FNBP1: variants seen among roughly 807,000 people sequenced by gnomAD.
The protein encoded by FNBP1 is formin binding protein 1.
FNBP1 carries 26 observed loss-of-function variants against 90.6 expected under a neutral mutation model. That is an observed-to-expected ratio of 0.29 (90% CI 0.21 to 0.40). The LOEUF (loss-of-function observed/expected upper bound fraction) is 0.40, where lower values mean the gene tolerates loss of function less well. FNBP1 is among the 10% of genes least tolerant of loss of function. The pLI, the probability that FNBP1 is intolerant of heterozygous loss-of-function variation, is 1.00. For synonymous variants in FNBP1, 260 were observed against 265.2 expected (o/e 0.98, Z 0.19); for missense variants, 635 against 768.0 (o/e 0.83, Z 2.05).
chr9:130,043,517 A>G (rs1051517877), upstream of FNBP1, among the ~76,000 whole-genome samples: 4 of 152,212 alleles, frequency 2.6e-5, no homozygotes, highest in Non-Finnish European at 4.4e-5. Context: ...GCGGTCTGAG[A>G]TCGCTCCCCT....
intron 5 of FNBP1, 116 bp downstream of exon 5, chr9:129,958,375 T>A (rs1254409678): frequency 4.2e-6 from 3 of 711,902 alleles, no homozygotes; most frequent in Non-Finnish European, 4.7e-6. Context: ...GAGGTTACAG[T>A]GAGCCGAGAT....
chr9:129,948,215 A>G (rs972028235), intron 6 of FNBP1, among the ~76,000 whole-genome samples: 3 of 152,030 alleles, frequency 2.0e-5, no homozygotes, highest in Non-Finnish European at 2.9e-5. Flanking sequence ...TGAGGCTGCA[A>G]TAAGTTTTGA....
In FNBP1 at chr9:129,928,167, A is replaced by G. The variant is rs183522945; in HGVS notation, c.643-826T>C. Among the ~76,000 whole-genome samples, 4 of 152,346 alleles carry G rather than the reference A, an allele frequency of 2.6e-5. No homozygotes were observed. In the East Asian group the frequency reaches 7.7e-4, roughly 29 times the overall value. On this transcript the variant is annotated intron_variant, in intron 7 of 16. Transcript: ENST00000446176. ...AAGTTGCAAAAAATCTGTAAAATGG[A>G]AGAACATATGTCTATCTTTTCTCAT...
At chr9:130,046,643 C>T (rs552571327), upstream of FNBP1, among the ~76,000 whole-genome samples, 80 of 150,532 alleles carry the variant, frequency 5.3e-4, 1 homozygote, top group African/African-American at 2.0e-3. Context: ...TCATGGGTGC[C>T]TGTAATCCCA....
chr9:129,981,954 C>T (rs1287901670), intron 2 of FNBP1, among the ~76,000 whole-genome samples: 1 of 152,156 alleles, frequency 6.6e-6, no homozygotes, highest in Non-Finnish European at 1.5e-5. Context: ...TACACGTCAA[C>T]ATATCAACTA....
rs112987199 is a variant in FNBP1 at position 130,031,170 on chromosome 9, T to C, written c.24+11782A>G. ...CTTATTCCACCCACATATAAACAGGTTGAGAAATGCAATAGATAGAAAGGC... is the reference window on the plus strand; with the variant it reads ...CTTATTCCACCCACATATAAACAGGCTGAGAAATGCAATAGATAGAAAGGC... On this transcript the variant is annotated intron_variant, in intron 1 of 16. Coordinates refer to ENST00000446176, the MANE Select transcript of FNBP1 (RefSeq NM_015033.3). The surrounding 1 kb of genome is among the most constrained non-coding windows in gnomAD (Gnocchi z 4.2). 8.5e-4 allele frequency among the ~76,000 whole-genome samples: 130 copies of C among 152,254 alleles called. No homozygotes were observed. The highest frequency in any genetic ancestry group is 3.1e-3 in the African/African-American group (128 of 41,544).
intron 1 of FNBP1, among the ~76,000 whole-genome samples, chr9:130,008,021 TG>T (rs1168349305): frequency 3.1e-5 from 4 of 129,066 alleles, no homozygotes; most frequent in African/African-American, 1.2e-4. Flanking sequence ...AAAATTAAAC[TG>T]CTTACTTTTT....
At chr9:130,010,643 G>T (rs1393568409) in intron 1 of FNBP1, among the ~76,000 whole-genome samples, 1 of 152,018 alleles carries the variant, frequency 6.6e-6, no homozygotes, top group African/African-American at 2.4e-5. Flanking sequence ...CTGGCTTTTT[G>T]ATGACAATTT....
At chr9:129,967,168 C>A (rs1006476557) in intron 4 of FNBP1, among the ~76,000 whole-genome samples, 1 of 152,170 alleles carries the variant, frequency 6.6e-6, no homozygotes, top group African/African-American at 2.4e-5. Context: ...TTATTGAGAA[C>A]TGGAGGGAGT....
chr9:130,015,459 C>T (rs1570381), intron 1 of FNBP1, among the ~76,000 whole-genome samples: 124,330 of 151,994 alleles, frequency 0.82, 51,690 homozygotes, highest in Non-Finnish European at 0.89. Flanking sequence ...CCTGTCCAAT[C>T]AGAAGAGGCC....
In FNBP1 at chr9:130,003,662, G is replaced by A. The variant is rs535205960; in HGVS notation, c.25-8704C>T. 4.0e-5 allele frequency among the ~76,000 whole-genome samples: 6 copies of A among 149,912 alleles called. No individual in the cohort carries two copies. The East Asian group carries it at 6.0e-4, about 15-fold the overall frequency. On this transcript the variant is annotated intron_variant, in intron 1 of 16. Transcript: ENST00000446176. The stretch of plus-strand genomic sequence containing the variant: ...GTCTTGGCCAGGCACGGTGGCTCAC[G>A]CCTGTAATTCCAGCACTTTGGGAGG...
chr9:129,899,782 A>G (rs1270602972), intron 15 of FNBP1, among the ~76,000 whole-genome samples, 183 bp downstream of exon 15: 3 of 132,506 alleles, frequency 2.3e-5, no homozygotes, highest in Non-Finnish European at 4.8e-5. Context: ...GAAGGGAGGG[A>G]AGGGAAGGGA....
intron 4 of FNBP1, among the ~76,000 whole-genome samples, chr9:129,977,412 G>A (rs1457800912): frequency 6.6e-6 from 1 of 151,928 alleles, no homozygotes; most frequent in African/African-American, 2.4e-5. Flanking sequence ...AGATAGCAAT[G>A]AATGAGCTGA....
intron 16 of FNBP1, among the ~76,000 whole-genome samples, chr9:129,894,846 G>C (rs1380306067): frequency 6.6e-6 from 1 of 152,214 alleles, no homozygotes; most frequent in Non-Finnish European, 1.5e-5. Flanking sequence ...GATCACTTGA[G>C]GTCAGGAGTT....
chr9:130,047,505 C>T (rs530872019), upstream of FNBP1, among the ~76,000 whole-genome samples: 2 of 152,246 alleles, frequency 1.3e-5, no homozygotes, highest in African/African-American at 4.8e-5. Flanking sequence ...CCCAGCTACT[C>T]GGGAGGCTAT....
chr9:129,962,845 G>A (rs1358606399), intron 4 of FNBP1, among the ~76,000 whole-genome samples: 1 of 152,136 alleles, frequency 6.6e-6, no homozygotes, highest in Non-Finnish European at 1.5e-5. Flanking sequence ...AGTGGAGAAC[G>A]TATAGAAAAT....
chr9:129,984,322 T>C (rs1053741719), intron 2 of FNBP1, among the ~76,000 whole-genome samples: 1 of 152,106 alleles, frequency 6.6e-6, no homozygotes, highest in Non-Finnish European at 1.5e-5. Context: ...CCATACACTT[T>C]AGAAAATGAT....
At chr9:130,037,834 T>C (rs978809478) in intron 1 of FNBP1, among the ~76,000 whole-genome samples, 1 of 152,124 alleles carries the variant, frequency 6.6e-6, no homozygotes, top group African/African-American at 2.4e-5. Flanking sequence ...CCATTATTTT[T>C]AAAAAGCAAA....
intron 1 of FNBP1, among the ~76,000 whole-genome samples, chr9:130,006,002 T>A (rs1248132632): frequency 6.6e-6 from 1 of 151,630 alleles, no homozygotes; most frequent in Non-Finnish European, 1.5e-5. Flanking sequence ...GTGAGGTAAC[T>A]GACAAAAAGG....
Sources: gnomAD v4.1 joint callset for allele counts (sites outside exome capture counted in the v4.1 genomes callset) on GRCh38, gnomAD v4.1.1 for gene constraint, Gnocchi (gnomAD v3.1) non-coding constraint, MANE v1.5 for transcripts, NCBI Gene and HGNC (gene_info 2026-07-23, HGNC 2026-07-21) for gene names.